The following VPS13B variants were observed in gnomAD, a reference collection of about 807,000 sequenced individuals.
VPS13B encodes vacuolar protein sorting 13 homolog B, also known as intermembrane lipid transfer protein VPS13B.
A neutral mutation model predicts 426.4 loss-of-function variants in VPS13B; 285 were observed. The observed-to-expected ratio is 0.67, with a 90% CI of 0.61 to 0.74. The LOEUF is 0.74. Among genes scored for constraint, VPS13B ranks in the 30% least tolerant of loss-of-function variants. The probability of loss-of-function intolerance (pLI) is 0.00; values close to 1 mark genes in which losing one functional copy is unlikely to be tolerated. For missense variants in VPS13B, 4,537 were observed against 4,782.6 expected, an observed-to-expected ratio of 0.95 and a Z score of 1.51; for synonymous variants, 1,676 against 1,676.4, an observed-to-expected ratio of 1.00 and a Z score of 0.01.
intron 13 of VPS13B, among the ~76,000 whole-genome samples, chr8:99,146,230 G>A (rs1448875266): frequency 6.6e-6 from 1 of 152,290 alleles, no homozygotes; most frequent in East Asian, 1.9e-4. Flanking sequence ...TACATAAGGA[G>A]TGAGGTTTAG....
At chr8:99,117,293 A>G (rs1229721364) in intron 7 of VPS13B, among the ~76,000 whole-genome samples, 1 of 152,212 alleles carries the variant, frequency 6.6e-6, no homozygotes, top group Non-Finnish European at 1.5e-5. Flanking sequence ...AATACAAAAT[A>G]ACAGGTATTG....
chr8:99,848,967 C>A, intron 55 of VPS13B, 73 bp downstream of exon 55: 1 of 1,327,198 alleles, frequency 7.5e-7, no homozygotes, highest in Non-Finnish European at 1.1e-6. Flanking sequence ...TAGTATTTAT[C>A]TTTGTCATCT....
intron 24 of VPS13B, among the ~76,000 whole-genome samples, chr8:99,479,335 T>A (rs920185530): frequency 2.0e-5 from 3 of 152,208 alleles, no homozygotes; most frequent in Admixed American, 2.0e-4. Context: ...AAACATAATG[T>A]TACATATTTA....
At chr8:99,060,272 A>G (rs551891593) in intron 3 of VPS13B, among the ~76,000 whole-genome samples, 1 of 152,072 alleles carries the variant, frequency 6.6e-6, no homozygotes, top group Non-Finnish European at 1.5e-5. Flanking sequence ...TTAGTTAGCT[A>G]TTTGGGAGAT....
chr8:99,226,227 C>T (rs576775574), intron 17 of VPS13B, among the ~76,000 whole-genome samples: 1 of 152,288 alleles, frequency 6.6e-6, no homozygotes, highest in African/African-American at 2.4e-5. Context: ...TGCTGTTGCA[C>T]ATGCTACTGC....
At chr8:99,766,053 G>A (rs531223520) in intron 39 of VPS13B, among the ~76,000 whole-genome samples, 31 of 145,970 alleles carry the variant, frequency 2.1e-4, no homozygotes, top group South Asian at 6.5e-4. Flanking sequence ...TATTTGGTGT[G>A]GCACCTTCAT....
At chr8:99,305,247 G>A (rs752536456) in intron 19 of VPS13B, among the ~76,000 whole-genome samples, 4 of 151,818 alleles carry the variant, frequency 2.6e-5, no homozygotes, top group Non-Finnish European at 4.4e-5. Flanking sequence ...CCACATTTGT[G>A]GGTTCAACCA....
intron 23 of VPS13B, among the ~76,000 whole-genome samples, chr8:99,458,484 G>A (rs1172391878): frequency 2.0e-5 from 3 of 152,132 alleles, no homozygotes; most frequent in African/African-American, 7.2e-5. Context: ...GATCCCTGAG[G>A]AATCGCCACA....
At chr8:99,378,069 A>T (rs982324900) in intron 19 of VPS13B, among the ~76,000 whole-genome samples, 12 of 149,622 alleles carry the variant, frequency 8.0e-5, no homozygotes, top group Non-Finnish European at 1.5e-5. Flanking sequence ...GCAGGAGGCC[A>T]GGACGTGTTT....
At chr8:99,030,256 C>T (rs1296201398) in intron 2 of VPS13B, among the ~76,000 whole-genome samples, 1 of 143,852 alleles carries the variant, frequency 7.0e-6, no homozygotes, top group Non-Finnish European at 1.5e-5. Flanking sequence ...TACAGCAGGA[C>T]CTCAAAATAA....
chr8:99,208,173 AG>A, intron 17 of VPS13B, among the ~76,000 whole-genome samples: 1 of 152,126 alleles, frequency 6.6e-6, no homozygotes, highest in Non-Finnish European at 1.5e-5. Context: ...AGTTGGGAGG[AG>A]GTGTCATGCA....
intron 15 of VPS13B, among the ~76,000 whole-genome samples, chr8:99,164,666 G>A (rs1489880878): frequency 6.6e-6 from 1 of 152,160 alleles, no homozygotes; most frequent in African/African-American, 2.4e-5. Context: ...AGGATACACT[G>A]TTTTTTCTTT....
intron 19 of VPS13B, among the ~76,000 whole-genome samples, chr8:99,313,456 A>G (rs1156329164): frequency 2.0e-5 from 3 of 152,286 alleles, no homozygotes; most frequent in South Asian, 4.1e-4. Flanking sequence ...TTGCCTGGGT[A>G]TCAGCAGCGG....
chr8:99,532,512 C>T (rs1205113023), intron 30 of VPS13B, among the ~76,000 whole-genome samples: 2 of 152,036 alleles, frequency 1.3e-5, no homozygotes, highest in Admixed American at 1.3e-4. Flanking sequence ...AGCTGATTCA[C>T]TTTTCACCCT....
intron 43 of VPS13B, among the ~76,000 whole-genome samples, chr8:99,804,633 C>A (rs1813297479): frequency 6.6e-6 from 1 of 152,030 alleles, no homozygotes; most frequent in Admixed American, 6.6e-5. Context: ...ATTTATTCAA[C>A]AAATATTTAT....
rs370570714 is a variant in VPS13B, at chr8:99,192,973, A to G, written c.2431A>G (p.Ile811Val). The G allele has an allele frequency of 1.7e-5, 27 of 1,613,722 alleles. No homozygotes were observed. Among genetic ancestry groups the G allele is most frequent in the African/African-American group, 1.2e-4 (9 of 75,028 alleles). Residue 811 changes from isoleucine to valine, a missense_variant, in exon 17 of 62, where the codon ATA (isoleucine) becomes GTA (valine). Physicochemically the swap from Ile to Val is conservative, Grantham distance 29. Around this residue, in one of 2 missense-constraint regions of VPS13B, gnomAD observed 4,311 missense variants for 4,474.3 expected, o/e 0.96. Transcript: ENST00000357162. ...AGCACAGACACTTCTCTTGCAAGCA[A>G]TATATCAAAGTTGGTCTCATCTTGG... is the stretch of plus-strand genomic sequence containing the variant. ...TRAQTLLLQA[I>V]YQSWSHLGNV...
intron 17 of VPS13B, among the ~76,000 whole-genome samples, chr8:99,210,124 G>T (rs1033255351): frequency 3.9e-5 from 6 of 152,152 alleles, no homozygotes; most frequent in African/African-American, 1.4e-4. Flanking sequence ...TGTAGGGCTG[G>T]TTCTAGGTTT....
chr8:99,691,869 C>CA (rs1216272372), intron 35 of VPS13B, among the ~76,000 whole-genome samples: 1 of 142,162 alleles, frequency 7.0e-6, no homozygotes, highest in Non-Finnish European at 1.5e-5. Context: ...AAATGGAAAA[C>CA]AAAAAAAGGC....
intron 31 of VPS13B, among the ~76,000 whole-genome samples, chr8:99,571,856 T>C (rs1346973908): frequency 2.0e-5 from 3 of 152,206 alleles, no homozygotes; most frequent in Non-Finnish European, 4.4e-5. Context: ...TCTTTAGAAT[T>C]GACTTTCTTG....
Sources: gnomAD v4.1 joint callset for allele counts (sites outside exome capture counted in the v4.1 genomes callset) on GRCh38, gnomAD v4.1.1 for gene constraint, gnomAD v4.1.1 regional missense constraint, MANE v1.5 for transcripts, NCBI Gene and HGNC (gene_info 2026-07-23, HGNC 2026-07-21) for gene names.